TACR1: variants seen among roughly 807,000 people sequenced by gnomAD.
TACR1 encodes tachykinin receptor 1.
A neutral mutation model predicts 35.8 loss-of-function variants in TACR1; 25 were observed. That is an observed-to-expected ratio of 0.70 (90% CI 0.51 to 0.98). TACR1 has a LOEUF of 0.98. TACR1 is among the 50% of genes least tolerant of loss of function. The pLI is 0.00. For missense variants in TACR1, 478 were observed against 522.9 expected (o/e 0.91, Z 0.84); for synonymous variants, 195 against 206.7 (o/e 0.94, Z 0.48).
At chr2:75,191,485 G>A (rs1011106644) in intron 1 of TACR1, among the ~76,000 whole-genome samples, 2 of 152,106 alleles carry the variant, frequency 1.3e-5, no homozygotes, top group Admixed American at 1.3e-4. Context: ...CGGGAGGTAA[G>A]ATGGTAATGA....
intron 2 of TACR1, among the ~76,000 whole-genome samples, chr2:75,089,774 G>T (rs1023756310): frequency 1.3e-5 from 2 of 152,104 alleles, no homozygotes; most frequent in Non-Finnish European, 2.9e-5. Flanking sequence ...TGTAGACACT[G>T]GGAGCAGTGA....
chr2:75,169,443 T>TCATAATATACTTAATATACAAAATATA (rs1399900879), intron 1 of TACR1, among the ~76,000 whole-genome samples: 2 of 152,244 alleles, frequency 1.3e-5, no homozygotes, highest in East Asian at 3.8e-4. Flanking sequence ...GTATATAAGG[T>TCATAATATACTTAATATACAAAATATA]CATAATATTT....
Position 75,115,906 on chromosome 2 carries a change from CA to C in TACR1, c.584+4667del, listed in dbSNP as rs1158476632. On this transcript the variant is annotated intron_variant, in intron 2 of 4. Coordinates refer to ENST00000305249, the MANE Select transcript of TACR1 (RefSeq NM_001058.4). Reference sequence around the variant, plus strand: ...TGGGCGACAGAGCGAGACTCCGTCTCAAAAAAAAAAAAAAAAAAAAAAGAGA... The same window carrying C: ...TGGGCGACAGAGCGAGACTCCGTCTCAAAAAAAAAAAAAAAAAAAAAGAGA... Among the ~76,000 whole-genome samples, 18 of 54,468 alleles carry C rather than the reference CA, an allele frequency of 3.3e-4. 1 individual carries two copies. Among genetic ancestry groups the C allele is most frequent in the East Asian group, 1.3e-3 (2 of 1,570 alleles). 35.7% of individuals were successfully genotyped at this position (54,468 alleles called of 152,430 possible). A position where few individuals can be genotyped will look rare whatever the true frequency, so the allele number is the denominator to read the frequency against.
At chr2:75,075,312 T>C (rs561504331) in intron 2 of TACR1, among the ~76,000 whole-genome samples, 1 of 152,244 alleles carries the variant, frequency 6.6e-6, no homozygotes, top group Non-Finnish European at 1.5e-5. Flanking sequence ...TCTTATTTAC[T>C]GCTGGTGGGT....
intron 1 of TACR1, among the ~76,000 whole-genome samples, chr2:75,191,514 G>A (rs1175649419): frequency 6.6e-6 from 1 of 152,072 alleles, no homozygotes; most frequent in Non-Finnish European, 1.5e-5. Context: ...TCCTCCAATC[G>A]GAAGTCTTTT....
chr2:75,193,550 G>A (rs1675899606), intron 1 of TACR1, among the ~76,000 whole-genome samples: 1 of 152,128 alleles, frequency 6.6e-6, no homozygotes, highest in African/African-American at 2.4e-5. Flanking sequence ...ATTCACCTGT[G>A]AATTCACTTC....
intron 1 of TACR1, among the ~76,000 whole-genome samples, chr2:75,182,698 G>A (rs1675587906): frequency 6.6e-6 from 1 of 152,152 alleles, no homozygotes; most frequent in South Asian, 2.1e-4. Flanking sequence ...ATTACATGCT[G>A]TACAGGTTTG....
At position 75,151,160 on chromosome 2, in the gene TACR1, G is replaced by A. The variant is rs1572959619; in HGVS notation, c.390-30392C>T. 2.0e-5 allele frequency among the ~76,000 whole-genome samples: 3 copies of A among 152,188 alleles called. No individual in the cohort carries two copies. The South Asian group carries it at 6.2e-4, about 32-fold the overall frequency. On this transcript the variant is annotated intron_variant, in intron 1 of 4. Coordinates refer to ENST00000305249, the MANE Select transcript of TACR1 (RefSeq NM_001058.4). Reference sequence around the variant, plus strand: ...TGTAGTCTGACTATGCGATAGAAAAGAAAAACTCATTTTCTGGGGAGAAAT... The same window carrying A: ...TGTAGTCTGACTATGCGATAGAAAAAAAAAACTCATTTTCTGGGGAGAAAT...
At chr2:75,177,396 C>G (rs116784619) in intron 1 of TACR1, among the ~76,000 whole-genome samples, 1 of 152,178 alleles carries the variant, frequency 6.6e-6, no homozygotes, top group Non-Finnish European at 1.5e-5. Flanking sequence ...ATATAGTTTT[C>G]TCCACTTGCC....
chr2:75,148,425 G>C (rs184241966), intron 1 of TACR1, among the ~76,000 whole-genome samples: 5 of 152,332 alleles, frequency 3.3e-5, no homozygotes, highest in Non-Finnish European at 7.3e-5. Context: ...ACTGACCTGA[G>C]ATGGTATCTC....
At chr2:75,182,885 A>C (rs763543447) in intron 1 of TACR1, among the ~76,000 whole-genome samples, 3 of 152,218 alleles carry the variant, frequency 2.0e-5, no homozygotes, top group Non-Finnish European at 4.4e-5. Flanking sequence ...CTGTACTCTC[A>C]TAGCATTAAT....
chr2:75,156,534 C>T (rs1167134812), intron 1 of TACR1, among the ~76,000 whole-genome samples: 2 of 144,944 alleles, frequency 1.4e-5, no homozygotes, highest in Admixed American at 7.2e-5. Flanking sequence ...ACCTGGGAGG[C>T]AGAGCTTGCA....
At chr2:75,176,721 A>G (rs1675429315) in intron 1 of TACR1, among the ~76,000 whole-genome samples, 1 of 152,048 alleles carries the variant, frequency 6.6e-6, no homozygotes, top group Non-Finnish European at 1.5e-5. Context: ...TCATCACAAG[A>G]TGTCTCAGTG....
intron 2 of TACR1, among the ~76,000 whole-genome samples, chr2:75,078,453 G>A (rs146601276): frequency 2.8e-4 from 42 of 152,200 alleles, no homozygotes; most frequent in African/African-American, 8.7e-4. Flanking sequence ...GTAGGAGCTA[G>A]ATAAAAACTT....
Position 75,101,858 on chromosome 2 carries a change from T to A in TACR1, c.584+18716A>T, listed in dbSNP as rs111607059. Among the ~76,000 whole-genome samples, 678 of 152,112 alleles carry A rather than the reference T, an allele frequency of 4.5e-3. 3 individuals are homozygous for A. Among genetic ancestry groups the A allele is most frequent in the African/African-American group, 0.015 (610 of 41,512 alleles). ...AACTACTCAGGAGGCTGAGCCACAT[T>A]GCTTGAACCCTGGAGGTGGAGGTTG... is the stretch of plus-strand genomic sequence containing the variant. On this transcript the variant is annotated intron_variant, in intron 2 of 4. Transcript: ENST00000305249.
intron 1 of TACR1, among the ~76,000 whole-genome samples, chr2:75,167,994 G>C (rs1206538932): frequency 6.6e-6 from 1 of 152,134 alleles, no homozygotes; most frequent in Non-Finnish European, 1.5e-5. Context: ...ACTGGAGAAA[G>C]ATGAGTTCAG....
chr2:75,123,529 G>T (rs779884012), intron 1 of TACR1, among the ~76,000 whole-genome samples: 5 of 152,128 alleles, frequency 3.3e-5, no homozygotes, highest in Non-Finnish European at 7.3e-5. Flanking sequence ...ATTTGGGAAC[G>T]CACTTCAGTT....
At chr2:75,125,155 ATTTTC>A (rs1174867728) in intron 1 of TACR1, among the ~76,000 whole-genome samples, 5 of 149,808 alleles carry the variant, frequency 3.3e-5, no homozygotes, top group Admixed American at 6.6e-5. Context: ...TTTATTTTCT[ATTTTC>A]TTTTCTTTTC....
intron 1 of TACR1, among the ~76,000 whole-genome samples, chr2:75,182,834 G>A (rs1451639300): frequency 6.6e-6 from 1 of 152,112 alleles, no homozygotes; most frequent in Non-Finnish European, 1.5e-5. Context: ...ACCCAATGAC[G>A]CATTTCTCAG....
Sources: allele counts gnomAD v4.1 joint callset (sites outside exome capture counted in the v4.1 genomes callset), GRCh38; gene constraint gnomAD v4.1.1; transcripts MANE v1.5; gene names NCBI Gene and HGNC (gene_info 2026-07-23, HGNC 2026-07-21).